VPS39: variants seen among roughly 807,000 people sequenced by gnomAD.
VPS39 encodes the protein VPS39 subunit of HOPS complex.
In VPS39, 70 loss-of-function variants were observed where a neutral mutation model predicts 121.0. The ratio of observed to expected loss-of-function variants is 0.58; its 90% CI spans 0.48 to 0.71. The LOEUF is 0.71. Among genes scored for constraint, VPS39 ranks in the 30% least tolerant of loss-of-function variants. The pLI, the probability that VPS39 is intolerant of heterozygous loss-of-function variation, is 0.00. For synonymous variants in VPS39, 378 were observed against 398.1 expected, an observed-to-expected ratio of 0.95 and a Z score of 0.60; for missense variants, 818 against 1,051.5, an observed-to-expected ratio of 0.78 and a Z score of 3.07.
intron 1 of VPS39, among the ~76,000 whole-genome samples, chr15:42,205,310 A>C: frequency 6.6e-6 from 1 of 152,218 alleles, no homozygotes; most frequent in South Asian, 2.1e-4. Flanking sequence ...TAAGGCTAAG[A>C]AAACAGCACA....
At chr15:42,185,659 T>C (rs1211149335) in intron 7 of VPS39, among the ~76,000 whole-genome samples, 1 of 152,130 alleles carries the variant, frequency 6.6e-6, no homozygotes, top group Non-Finnish European at 1.5e-5. Context: ...TGTCATTCAA[T>C]TTATATGACA....
In VPS39 at chr15:42,160,552, T is replaced by C. The variant is rs771639729; in HGVS notation, c.*202A>G. The C allele has an allele frequency of 3.3e-6, 2 of 598,436 alleles. No homozygotes were observed. Among genetic ancestry groups the C allele is most frequent in the Non-Finnish European group, 6.0e-6 (2 of 334,206 alleles). 37.1% of individuals were successfully genotyped at this position (598,436 alleles called of 1,614,324 possible). A position where few individuals can be genotyped will look rare whatever the true frequency, so the allele number is the denominator to read the frequency against. ...ACAACATAATGGTATAAGGTATAAC[T>C]AATCTCTTTTCCCATTAAAAAGCTG... On this transcript the variant is annotated 3_prime_UTR_variant, in exon 25 of 25. Transcript: ENST00000318006.
At chr15:42,184,305 T>A in intron 8 of VPS39, 1 of 392,734 alleles carries the variant, frequency 2.5e-6, no homozygotes, top group Non-Finnish European at 4.5e-6. Context: ...TTTATATGTT[T>A]TCCCCCTCTG....
rs1219939634 is a variant in VPS39 at position 42,160,776 on chromosome 15, T to G, written c.2606A>C (p.Glu869Ala). Residue 869 changes from glutamate (E) to alanine (A), a missense_variant, in exon 25 of 25, where the codon GAG becomes GCG. Physicochemically the swap from Glu to Ala is moderately radical, Grantham distance 107 (BLOSUM62 -1). Coordinates refer to ENST00000318006, the MANE Select transcript of VPS39 (RefSeq NM_015289.5). Reference protein sequence around the residue: ...GVVVHYFCSKEVNPADT With the variant: ...GVVVHYFCSKAVNPADT ...GGCTCAAGTGTCAGCTGGGTTTACC[T>G]CTTTGGAACAGAAGTAATGGACGAC... The G allele has an allele frequency of 1.2e-6, 2 of 1,614,062 alleles. No homozygotes were observed. The highest frequency in any genetic ancestry group is 8.5e-7 in the Non-Finnish European group (1 of 1,180,040).
At chr15:42,187,497 C>G in intron 6 of VPS39, 134 bp from the exon 7 acceptor site, 1 of 806,904 alleles carries the variant, frequency 1.2e-6, no homozygotes, top group Non-Finnish European at 1.9e-6. Flanking sequence ...GGCACAAGGC[C>G]AGGAAACTAC....
At chr15:42,198,408 T>C (rs1255673796) in intron 2 of VPS39, among the ~76,000 whole-genome samples, 1 of 152,056 alleles carries the variant, frequency 6.6e-6, no homozygotes, top group Non-Finnish European at 1.5e-5. Context: ...TGGAGAGCAA[T>C]GGTGTGATCA....
chr15:42,191,438 G>C, intron 3 of VPS39, 58 bp downstream of exon 3: 1 of 1,519,036 alleles, frequency 6.6e-7, no homozygotes, highest in South Asian at 1.1e-5. Context: ...CAAAGTTCTA[G>C]TCTGACAGGG....
At chr15:42,172,187 A>G (rs981159051) in intron 11 of VPS39, among the ~76,000 whole-genome samples, 1 of 152,214 alleles carries the variant, frequency 6.6e-6, no homozygotes, top group African/African-American at 2.4e-5. Flanking sequence ...GAAGAGTGAG[A>G]GTCACAAAAG....
chr15:42,160,465 G>A lies in VPS39; in HGVS notation c.*289C>T. 1 of 411,296 alleles carries A rather than the reference G, an allele frequency of 2.4e-6. No homozygotes were observed. Among genetic ancestry groups the A allele is most frequent in the Non-Finnish European group, 4.5e-6 (1 of 221,780 alleles). 25.5% of individuals were successfully genotyped at this position (411,296 alleles called of 1,614,324 possible). A position where few individuals can be genotyped will look rare whatever the true frequency, so the allele number is the denominator to read the frequency against. Reference sequence around the variant, plus strand: ...GTTTCCTTGTTCAGGTGACTGGTGTGCAAAGGCAAGATGGTGCACATCCTC... The same window carrying A: ...GTTTCCTTGTTCAGGTGACTGGTGTACAAAGGCAAGATGGTGCACATCCTC... On this transcript the variant is annotated 3_prime_UTR_variant, in exon 25 of 25. Transcript: ENST00000318006.
At position 42,161,026 on chromosome 15, in the gene VPS39, T is replaced by G. The variant is rs546958914; in HGVS notation, c.2553-197A>C. 13 of 602,830 alleles carry G rather than the reference T, an allele frequency of 2.2e-5. No homozygotes were observed. The South Asian group carries it at 2.5e-4, about 12-fold the overall frequency. The allele number at this position is 602,830 out of a possible 1,614,324, so 37.3% of individuals were successfully genotyped here. A position where few individuals can be genotyped will look rare whatever the true frequency, so the allele number is the denominator to read the frequency against. ...CTCTGTCAAATAACCAAACAGAGGA[T>G]GAGGTGCACACAGTTAAGAGTGCAT... On this transcript the variant is annotated intron_variant, in intron 24 of 24. Transcript: ENST00000318006.
chr15:42,160,582 T>C lies in VPS39; in HGVS notation c.*172A>G. 1 of 638,186 alleles carries C rather than the reference T, an allele frequency of 1.6e-6. No homozygotes were observed. Among genetic ancestry groups the C allele is most frequent in the Non-Finnish European group, 2.8e-6 (1 of 355,264 alleles). 39.5% of individuals were successfully genotyped at this position (638,186 alleles called of 1,614,324 possible). A position where few individuals can be genotyped will look rare whatever the true frequency, so the allele number is the denominator to read the frequency against. ...TCTTTTCCCATTAAAAAGCTGGCAATGCCAGACCATGAGTCTAATTAATTC... is the reference window on the plus strand; with the variant it reads ...TCTTTTCCCATTAAAAAGCTGGCAACGCCAGACCATGAGTCTAATTAATTC... On this transcript the variant is annotated 3_prime_UTR_variant, in exon 25 of 25. Transcript: ENST00000318006.
chr15:42,191,571 C>G lies in VPS39; in HGVS notation c.140-11G>C, dbSNP rs647581. ...CAAATCTGTTGCAACCTATGGAAAA[C>G]AAATAAACACTGGTAGTTCCAAATA... On this transcript the variant is annotated splice_polypyrimidine_tract_variant and intron_variant, in intron 2 of 24. Transcript: ENST00000318006. 0.11 allele frequency: 169,198 copies of G among 1,610,350 alleles called. 12,004 individuals carry two copies. Among genetic ancestry groups the G allele is most frequent in the African/African-American group, 0.27 (20,477 of 74,742 alleles).
At position 42,205,690 on chromosome 15, in the gene VPS39, A is replaced by C. The variant is rs149608652; in HGVS notation, c.73+2391T>G. 6.6e-5 allele frequency among the ~76,000 whole-genome samples: 10 copies of C among 152,322 alleles called. No homozygotes were observed. In the East Asian group the frequency reaches 1.9e-3, roughly 29 times the overall value. ...TTGAGTAGAGGATGGAATCAGATTT[A>C]GGTTTTCAAAGTTTCACTCTACCTG... On this transcript the variant is annotated intron_variant, in intron 1 of 24. Coordinates refer to ENST00000318006, the MANE Select transcript of VPS39 (RefSeq NM_015289.5).
intron 19 of VPS39, among the ~76,000 whole-genome samples, chr15:42,164,018 G>A (rs2049192509): frequency 6.6e-6 from 1 of 152,184 alleles, no homozygotes; most frequent in Non-Finnish European, 1.5e-5. Context: ...GGTGGTTCAG[G>A]TAAGATGAGC....
At chr15:42,165,237 G>C in intron 17 of VPS39, 124 bp from the exon 18 acceptor site, 1 of 888,446 alleles carries the variant, frequency 1.1e-6, no homozygotes, top group Non-Finnish European at 1.8e-6. Context: ...GGGCTGCAAA[G>C]ATGACTAAGA....
Position 42,169,878 on chromosome 15 carries a change from G to A in VPS39, c.1091-12C>T. On this transcript the variant is annotated splice_polypyrimidine_tract_variant and intron_variant, in intron 11 of 24. Transcript: ENST00000318006. ...CACATGGGTGGGATCTATATGGAAG[G>A]TAAACATGATTCCTCTGGAAAGGAG... is the stretch of plus-strand genomic sequence containing the variant. 6.3e-7 allele frequency: 1 copy of A among 1,595,594 alleles called. No individual in the cohort carries two copies. Among genetic ancestry groups the A allele is most frequent in the Non-Finnish European group, 8.6e-7 (1 of 1,169,334 alleles).
chr15:42,170,998 A>G (rs1455186340), intron 11 of VPS39, among the ~76,000 whole-genome samples: 2 of 152,086 alleles, frequency 1.3e-5, no homozygotes, highest in African/African-American at 4.8e-5. Context: ...GTCTCCCAAA[A>G]TGCTGGGATT....
intron 19 of VPS39, 71 bp from the exon 20 acceptor site, chr15:42,163,799 G>A: frequency 9.1e-7 from 1 of 1,094,336 alleles, no homozygotes; most frequent in Admixed American, 2.4e-5. Context: ...TATGCTGTCA[G>A]AGGAGTGGAC....
intron 1 of VPS39, among the ~76,000 whole-genome samples, chr15:42,204,190 C>A (rs556192842): frequency 6.6e-6 from 1 of 152,342 alleles, no homozygotes; most frequent in South Asian, 2.1e-4. Flanking sequence ...CACTTCCCTT[C>A]GTTGGGTAAC....
Sources: allele counts gnomAD v4.1 joint callset (sites outside exome capture counted in the v4.1 genomes callset), GRCh38; gene constraint gnomAD v4.1.1; transcripts MANE v1.5; gene names NCBI Gene and HGNC (gene_info 2026-07-23, HGNC 2026-07-21).